PRELID2: variants seen among roughly 807,000 people sequenced by gnomAD.
PRELID2 encodes PRELI domain containing 2, also known as PRELI domain-containing protein 2.
PRELID2 carries 25 observed loss-of-function variants against 28.4 expected under a neutral mutation model. That is an observed-to-expected ratio of 0.88 (90% CI 0.64 to 1.23). The LOEUF (loss-of-function observed/expected upper bound fraction) is 1.23. Ranked by LOEUF, PRELID2 falls within the 50% of genes most tolerant of loss-of-function variation. The pLI, the probability that PRELID2 is intolerant of heterozygous loss-of-function variation, is 0.00. For missense variants in PRELID2, 201 were observed against 214.4 expected, an observed-to-expected ratio of 0.94 and a Z score of 0.39; for synonymous variants, 76 against 71.6, an observed-to-expected ratio of 1.06 and a Z score of -0.31.
At chr5:145,473,073 C>T (rs1170974353) in intron 2 of PRELID2, 1 of 152,144 alleles carries the variant, frequency 6.6e-6, no homozygotes, top group Admixed American at 6.6e-5. Context: ...ACCTTAAGTA[C>T]ACTAAAATAT....
intron 1 of PRELID2, among the ~76,000 whole-genome samples, chr5:145,715,659 C>T (rs1011449247): frequency 6.6e-6 from 1 of 152,140 alleles, no homozygotes; most frequent in Non-Finnish European, 1.5e-5. Flanking sequence ...ACTGCCCATC[C>T]ACACTGGTTT....
At chr5:145,496,430 A>C (rs997803542) in intron 1 of PRELID2, among the ~76,000 whole-genome samples, 2 of 152,156 alleles carry the variant, frequency 1.3e-5, no homozygotes, top group Non-Finnish European at 2.9e-5. Flanking sequence ...GTATATACAG[A>C]AAAAAAGAGA....
At chr5:145,229,565 C>T in the PRELID2 span, 4 of 1,475,638 alleles carry the variant, frequency 2.7e-6, no homozygotes, top group Non-Finnish European at 3.7e-6. Flanking sequence ...CTCCTTGGAG[C>T]TCTTCATGTA....
At chr5:145,741,466 A>T (rs1410217957) in intron 1 of PRELID2, among the ~76,000 whole-genome samples, 1 of 33,484 alleles carries the variant, frequency 3.0e-5, no homozygotes, top group Non-Finnish European at 6.5e-5. Context: ...TTATTTATAT[A>T]TAAACAAAAT....
the PRELID2 span, among the ~76,000 whole-genome samples, chr5:145,409,613 T>TA: frequency 1.1e-4 from 16 of 151,732 alleles, no homozygotes; most frequent in East Asian, 3.9e-4. Context: ...CAATAACAGT[T>TA]AAAAAAAGAC....
chr5:145,507,490 T>C (rs1242516011), intron 1 of PRELID2, among the ~76,000 whole-genome samples: 1 of 152,122 alleles, frequency 6.6e-6, no homozygotes, highest in Admixed American at 6.6e-5. Context: ...TCTTAATGGA[T>C]GATTCAGAAG....
chr5:145,691,666 C>T lies in PRELID2; in HGVS notation n.70+73265G>A, dbSNP rs180853725. 2.2e-3 allele frequency among the ~76,000 whole-genome samples: 339 copies of T among 152,014 alleles called. 2 individuals carry two copies. The highest frequency in any genetic ancestry group is 3.5e-4 in the Non-Finnish European group (24 of 67,956). Reference sequence around the variant, plus strand: ...CTGGGAGGCGAAGCTTGCAGTAAGCCGAGATTACGCCACTGCACTCCAGCC... The same window carrying T: ...CTGGGAGGCGAAGCTTGCAGTAAGCTGAGATTACGCCACTGCACTCCAGCC... On this transcript the variant is annotated intron_variant and non_coding_transcript_variant, in intron 1 of 2. Transcript: ENST00000510259.
chr5:145,514,675 C>A (rs1267168064), intron 1 of PRELID2, among the ~76,000 whole-genome samples: 1 of 152,224 alleles, frequency 6.6e-6, no homozygotes, highest in South Asian at 2.1e-4. Context: ...AACTCTCCAC[C>A]CCAAATCAAT....
intron 1 of PRELID2, among the ~76,000 whole-genome samples, chr5:145,692,208 C>T (rs1223294622): frequency 6.6e-6 from 1 of 152,148 alleles, no homozygotes; most frequent in Non-Finnish European, 1.5e-5. Context: ...GTGCTGAGCA[C>T]ATAGTATGCT....
At chr5:145,705,278 C>A (rs748442482) in intron 1 of PRELID2, among the ~76,000 whole-genome samples, 1 of 151,968 alleles carries the variant, frequency 6.6e-6, no homozygotes, top group Non-Finnish European at 1.5e-5. Context: ...GCAACCTCCA[C>A]CACCTGGGTT....
At chr5:145,516,250 T>G (rs1422184566) in intron 1 of PRELID2, among the ~76,000 whole-genome samples, 1 of 152,230 alleles carries the variant, frequency 6.6e-6, no homozygotes, top group Non-Finnish European at 1.5e-5. Flanking sequence ...CCCCATCGTC[T>G]GAGCCCAAAA....
intron 1 of PRELID2, among the ~76,000 whole-genome samples, chr5:145,508,257 C>CAGATAGAT (rs58785072): frequency 0.3 from 45,532 of 149,400 alleles, 7,194 homozygotes; most frequent in East Asian, 0.47. Context: ...TTTGCATAGA[C>CAGATAGAT]AGATAGATAG....
chr5:145,456,667 A>T, the PRELID2 span, among the ~76,000 whole-genome samples: 60 of 152,354 alleles, frequency 3.9e-4, no homozygotes, highest in African/African-American at 1.4e-3. Context: ...ACAATAAATA[A>T]GTGATAATGC....
chr5:145,281,680 T>TAGA, the PRELID2 span, among the ~76,000 whole-genome samples: 2 of 152,190 alleles, frequency 1.3e-5, no homozygotes, highest in East Asian at 3.8e-4. Flanking sequence ...CTCTCACAAG[T>TAGA]AGAAAGCCTT....
At chr5:145,687,778 AT>A (rs1755065264) in intron 1 of PRELID2, among the ~76,000 whole-genome samples, 1 of 152,250 alleles carries the variant, frequency 6.6e-6, no homozygotes, top group South Asian at 2.1e-4. Flanking sequence ...AACTACCAGT[AT>A]TTCCTAACTT....
At chr5:145,378,424 T>C in the PRELID2 span, among the ~76,000 whole-genome samples, 5 of 152,190 alleles carry the variant, frequency 3.3e-5, no homozygotes, top group Admixed American at 2.6e-4. Context: ...GACACACCAG[T>C]GAATCATAGA....
chr5:145,264,579 C>T, the PRELID2 span, among the ~76,000 whole-genome samples: 10 of 151,962 alleles, frequency 6.6e-5, no homozygotes, highest in African/African-American at 2.2e-4. Context: ...CAGAGAACTT[C>T]GACAGGACAA....
intron 1 of PRELID2, among the ~76,000 whole-genome samples, chr5:145,715,066 A>G (rs1165077237): frequency 6.6e-6 from 1 of 152,152 alleles, no homozygotes; most frequent in Non-Finnish European, 1.5e-5. Flanking sequence ...TGTATTAAAG[A>G]CTTCAAAATT....
intron 1 of PRELID2, among the ~76,000 whole-genome samples, chr5:145,608,140 C>CTCATCACT (rs539382156): frequency 1.9e-3 from 295 of 151,774 alleles, no homozygotes; most frequent in African/African-American, 6.8e-3. Context: ...TGAGCCTATG[C>CTCATCACT]TCATCACTGC....
Sources: allele counts gnomAD v4.1 joint callset (sites outside exome capture counted in the v4.1 genomes callset), GRCh38; gene constraint gnomAD v4.1.1; transcripts MANE v1.5; gene names NCBI Gene and HGNC (gene_info 2026-07-23, HGNC 2026-07-21).